The following RETREG1 variants were observed in gnomAD, a reference collection of about 807,000 sequenced individuals.
The protein encoded by RETREG1 is family with sequence similarity 134 member B.
A neutral mutation model predicts 54.8 loss-of-function variants in RETREG1; 44 were observed. The observed-to-expected ratio is 0.80, with a 90% CI of 0.63 to 1.03. The LOEUF is 1.03. Among genes scored for constraint, RETREG1 ranks in the 50% least tolerant of loss-of-function variants. The pLI is 0.00. For synonymous variants in RETREG1, 217 were observed against 238.5 expected (o/e 0.91, Z 0.83); for missense variants, 554 against 605.1 (o/e 0.92, Z 0.89).
At chr5:16,499,550 T>G (rs1295489560) in intron 3 of RETREG1, among the ~76,000 whole-genome samples, 2 of 152,272 alleles carry the variant, frequency 1.3e-5, no homozygotes, top group East Asian at 1.9e-4. Context: ...AATGAAGCAC[T>G]TGCTTACAAT....
chr5:16,574,572 G>A (rs1372737158), intron 1 of RETREG1, among the ~76,000 whole-genome samples: 2 of 152,182 alleles, frequency 1.3e-5, no homozygotes, highest in African/African-American at 2.4e-5. Context: ...AATGCTGTTT[G>A]TATGGCCTGG....
intron 3 of RETREG1, among the ~76,000 whole-genome samples, chr5:16,487,238 A>AG (rs2126526945): frequency 6.6e-6 from 1 of 152,326 alleles, no homozygotes; most frequent in East Asian, 1.9e-4. Context: ...CATTACCAGT[A>AG]GCTTTATTAA....
chr5:16,608,381 G>A (rs577793283), intron 1 of RETREG1, among the ~76,000 whole-genome samples: 2 of 152,246 alleles, frequency 1.3e-5, no homozygotes, highest in East Asian at 3.9e-4. Flanking sequence ...AACATCCAGT[G>A]CTCATCTCCC....
intron 3 of RETREG1, among the ~76,000 whole-genome samples, chr5:16,497,399 G>A (rs1401563105): frequency 6.6e-6 from 1 of 152,170 alleles, no homozygotes; most frequent in Non-Finnish European, 1.5e-5. Context: ...CACACTACCG[G>A]CAAAGCTGCT....
At chr5:16,508,998 T>C in intron 3 of RETREG1, 1 of 1,019,618 alleles carries the variant, frequency 9.8e-7, no homozygotes, top group Non-Finnish European at 1.2e-6. Context: ...CTTCATTGGA[T>C]GACTTCACCT....
chr5:16,546,332 C>G (rs1388952509), intron 3 of RETREG1, among the ~76,000 whole-genome samples: 1 of 152,174 alleles, frequency 6.6e-6, no homozygotes, highest in Non-Finnish European at 1.5e-5. Context: ...CCATGCCCAG[C>G]TAATTTTTCG....
At chr5:16,548,302 G>A (rs1741442161) in intron 3 of RETREG1, among the ~76,000 whole-genome samples, 1 of 152,250 alleles carries the variant, frequency 6.6e-6, no homozygotes, top group Admixed American at 6.5e-5. Context: ...GCAGGTGGAG[G>A]CGTGAAATGT....
intron 3 of RETREG1, among the ~76,000 whole-genome samples, chr5:16,494,086 A>C (rs1364593748): frequency 6.6e-6 from 1 of 152,252 alleles, no homozygotes; most frequent in Non-Finnish European, 1.5e-5. Context: ...CACATAAATA[A>C]TCAGAGGCTT....
chr5:16,610,897 C>T (rs533637412), intron 1 of RETREG1, among the ~76,000 whole-genome samples: 7 of 152,230 alleles, frequency 4.6e-5, no homozygotes, highest in East Asian at 1.9e-4. Context: ...CCAGCCATCC[C>T]ATTACTGGGT....
intron 1 of RETREG1, among the ~76,000 whole-genome samples, chr5:16,608,793 GT>G (rs1464799220): frequency 6.6e-6 from 1 of 152,174 alleles, no homozygotes; most frequent in Admixed American, 6.5e-5. Flanking sequence ...CTGGCTGACA[GT>G]CTAAAAAGAT....
rs760809113 is a variant in RETREG1, at chr5:16,616,664, T to C, written c.308A>G (p.Asn103Ser). 3.1e-6 allele frequency: 5 copies of C among 1,595,508 alleles called. No homozygotes were observed. Among genetic ancestry groups the C allele is most frequent in the East Asian group, 2.2e-5 (1 of 44,500 alleles). Residue 103 changes from asparagine to serine, a missense_variant, in exon 1 of 9, where the codon AAC becomes AGC. By Grantham distance (46) the Asn-to-Ser change is conservative (BLOSUM62 1). Around this residue, in one of 4 missense-constraint regions of RETREG1, gnomAD observed 347 missense variants for 412.3 expected, o/e 0.84. Transcript: ENST00000306320. ...LRSLLGFVAANLLFWFLALTP... is the reference protein window; with the variant it reads ...LRSLLGFVAASLLFWFLALTP... ...CCCAAGCTCTCACCAGAACAGCAGG[T>C]TGGCAGCGACGAAGCCGAGCAGGCT... is the stretch of plus-strand genomic sequence containing the variant.
intron 4 of RETREG1, among the ~76,000 whole-genome samples, chr5:16,482,684 G>T (rs1035568445): frequency 6.6e-6 from 1 of 152,008 alleles, no homozygotes; most frequent in African/African-American, 2.4e-5. Context: ...AATAGACAAG[G>T]TCTATTGATG....
At chr5:16,588,085 C>T (rs935399637) in intron 1 of RETREG1, among the ~76,000 whole-genome samples, 2 of 152,334 alleles carry the variant, frequency 1.3e-5, no homozygotes, top group Admixed American at 1.3e-4. Flanking sequence ...AGAGCTGGGA[C>T]TGAGGCTTTT....
intron 3 of RETREG1, among the ~76,000 whole-genome samples, chr5:16,493,902 A>G (rs913730945): frequency 1.3e-5 from 2 of 152,264 alleles, no homozygotes; most frequent in African/African-American, 4.8e-5. Flanking sequence ...ATGAAGGCCA[A>G]TTCAAATTAT....
intron 3 of RETREG1, among the ~76,000 whole-genome samples, chr5:16,526,787 C>T (rs550353459): frequency 6.6e-6 from 1 of 152,318 alleles, no homozygotes; most frequent in Non-Finnish European, 1.5e-5. Context: ...TTATCACCCC[C>T]GTGGTGGTTC....
chr5:16,569,128 G>A (rs889113124), intron 2 of RETREG1, among the ~76,000 whole-genome samples: 1 of 152,070 alleles, frequency 6.6e-6, no homozygotes, highest in Non-Finnish European at 1.5e-5. Flanking sequence ...CCTGCGCTAG[G>A]AGGCCTGCGA....
At chr5:16,502,684 A>ATT (rs11404340) in intron 3 of RETREG1, among the ~76,000 whole-genome samples, 1 of 152,004 alleles carries the variant, frequency 6.6e-6, no homozygotes, top group African/African-American at 2.4e-5. Flanking sequence ...TCGCCATTAT[A>ATT]TTTTTCCCCC....
At chr5:16,565,851 T>C in intron 2 of RETREG1, 58 bp from the exon 3 acceptor site, 1 of 1,568,638 alleles carries the variant, frequency 6.4e-7, no homozygotes, top group Admixed American at 1.8e-5. Context: ...TCCTGAAATA[T>C]TTCTCAACTC....
chr5:16,483,478 G>A lies in RETREG1; in HGVS notation c.459-6C>T. 2 of 1,612,656 alleles carry A rather than the reference G, an allele frequency of 1.2e-6. No individual in the cohort carries two copies. The highest frequency in any genetic ancestry group is 1.7e-6 in the Non-Finnish European group (2 of 1,179,112). On this transcript the variant is annotated splice_polypyrimidine_tract_variant and splice_region_variant and intron_variant, in intron 3 of 8. Coordinates refer to ENST00000306320, the MANE Select transcript of RETREG1 (RefSeq NM_001034850.3). The stretch of plus-strand genomic sequence containing the variant: ...TGGAATTGATAACTTCCCAGCTAAA[G>A]AGACAAAAAGAAAAAAAATACTACT...
Sources: gnomAD v4.1 joint callset for allele counts (sites outside exome capture counted in the v4.1 genomes callset) on GRCh38, gnomAD v4.1.1 for gene constraint, gnomAD v4.1.1 regional missense constraint, MANE v1.5 for transcripts, NCBI Gene and HGNC (gene_info 2026-07-23, HGNC 2026-07-21) for gene names.